Variants in KCND2 observed in about 807,000 individuals in gnomAD.
KCND2 encodes the protein potassium voltage-gated channel subfamily D member 2.
In KCND2, 16 loss-of-function variants were observed where a neutral mutation model predicts 54.4. The ratio of observed to expected loss-of-function variants is 0.29; its 90% CI spans 0.20 to 0.45. KCND2 has a LOEUF of 0.45. Ranked by LOEUF, KCND2 falls within the 20% of genes least tolerant of loss-of-function variation. The probability of loss-of-function intolerance (pLI) is 1.00; values close to 1 mark genes in which losing one functional copy is unlikely to be tolerated. For synonymous variants in KCND2, 317 were observed against 310.7 expected (o/e 1.02, Z -0.21); for missense variants, 486 against 824.2 (o/e 0.59, Z 5.02).
chr7:120,314,332 CA>C (rs761723040), intron 1 of KCND2, among the ~76,000 whole-genome samples: 9,923 of 96,072 alleles, frequency 0.1, 572 homozygotes, highest in African/African-American at 0.23. Context: ...GACTCCATCT[CA>C]AAAAAAAAAA....
At chr7:120,349,047 T>C (rs1003510070) in intron 1 of KCND2, among the ~76,000 whole-genome samples, 14 of 152,280 alleles carry the variant, frequency 9.2e-5, no homozygotes, top group Non-Finnish European at 1.9e-4. Context: ...TAATTTTAGT[T>C]AGCTCACTAC....
chr7:120,715,987 G>A (rs1792597546), intron 1 of KCND2, among the ~76,000 whole-genome samples: 2 of 150,184 alleles, frequency 1.3e-5, no homozygotes, highest in South Asian at 4.2e-4. Context: ...TTTTGTTCAC[G>A]CTCACTCAGA....
chr7:120,493,429 A>C (rs1802811270), intron 1 of KCND2, among the ~76,000 whole-genome samples: 1 of 152,084 alleles, frequency 6.6e-6, no homozygotes, highest in African/African-American at 2.4e-5. Context: ...GAAGAAAGTA[A>C]TGTCTTTACC....
intron 1 of KCND2, among the ~76,000 whole-genome samples, chr7:120,709,459 T>A (rs1381612612): frequency 1.3e-5 from 2 of 152,212 alleles, no homozygotes; most frequent in East Asian, 3.9e-4. Flanking sequence ...TGTTTTTATG[T>A]CACTTCTTAA....
At chr7:120,471,175 T>A (rs1053035092) in intron 1 of KCND2, among the ~76,000 whole-genome samples, 1 of 152,244 alleles carries the variant, frequency 6.6e-6, no homozygotes, top group African/African-American at 2.4e-5. Flanking sequence ...TATGTTTTAA[T>A]ATCTTAGGAA....
At chr7:120,651,637 C>T (rs544326977) in intron 1 of KCND2, among the ~76,000 whole-genome samples, 16 of 152,222 alleles carry the variant, frequency 1.1e-4, no homozygotes, top group African/African-American at 2.4e-4. Context: ...ACCCAGTGTC[C>T]GACAAGCCCC....
intron 1 of KCND2, among the ~76,000 whole-genome samples, chr7:120,435,589 A>G (rs1801854180): frequency 6.6e-6 from 1 of 152,018 alleles, no homozygotes; most frequent in Non-Finnish European, 1.5e-5. Context: ...CAAACGAATA[A>G]CCCTATTACA....
chr7:120,285,712 TCTG>T, intron 1 of KCND2, among the ~76,000 whole-genome samples: 1 of 152,090 alleles, frequency 6.6e-6, no homozygotes, highest in Admixed American at 6.5e-5. Flanking sequence ...TGATCTGTTG[TCTG>T]CTATTACTTT....
intron 1 of KCND2, among the ~76,000 whole-genome samples, chr7:120,276,731 A>G (rs1799181371): frequency 6.6e-6 from 1 of 152,136 alleles, no homozygotes; most frequent in Non-Finnish European, 1.5e-5. Context: ...TAGGTAGTAG[A>G]GAAAAGGAAA....
intron 1 of KCND2, among the ~76,000 whole-genome samples, chr7:120,582,181 C>T (rs1351486492): frequency 6.6e-6 from 1 of 152,054 alleles, no homozygotes; most frequent in Non-Finnish European, 1.5e-5. Context: ...CACTCTGAGC[C>T]CCAGTTCCAC....
chr7:120,586,709 AT>A (rs983456899), intron 1 of KCND2, among the ~76,000 whole-genome samples: 11 of 152,016 alleles, frequency 7.2e-5, no homozygotes, highest in Non-Finnish European at 1.6e-4. Context: ...CTTGCAGAGG[AT>A]TTTTTTCTTC....
At chr7:120,741,776 C>T in intron 3 of KCND2, 147 bp downstream of exon 3, 2 of 712,088 alleles carry the variant, frequency 2.8e-6, no homozygotes. Context: ...TTTTTAATAA[C>T]TTCACCCTGT....
intron 1 of KCND2, among the ~76,000 whole-genome samples, chr7:120,457,359 A>G (rs1035081531): frequency 1.3e-5 from 2 of 152,038 alleles, no homozygotes; most frequent in Admixed American, 6.6e-5. Flanking sequence ...CAGGCTGCAC[A>G]TTTTTTCAAA....
At chr7:120,423,579 G>A (rs1235436114) in intron 1 of KCND2, among the ~76,000 whole-genome samples, 2 of 152,258 alleles carry the variant, frequency 1.3e-5, no homozygotes, top group East Asian at 1.9e-4. Context: ...GCTGTGTATC[G>A]TGTCTCTGAA....
chr7:120,744,172 G>T (rs1005630248), intron 4 of KCND2, among the ~76,000 whole-genome samples: 2 of 152,132 alleles, frequency 1.3e-5, no homozygotes, highest in African/African-American at 4.8e-5. Flanking sequence ...TGAGGCAGGA[G>T]AATTGCTTGA....
intron 1 of KCND2, among the ~76,000 whole-genome samples, chr7:120,623,816 G>A (rs902511416): frequency 2.0e-5 from 3 of 152,162 alleles, no homozygotes; most frequent in Admixed American, 1.3e-4. Context: ...TTACAAAAAT[G>A]TGAATGGCTG....
At chr7:120,407,724 AATAAT>A (rs939212753) in intron 1 of KCND2, among the ~76,000 whole-genome samples, 7 of 150,462 alleles carry the variant, frequency 4.7e-5, no homozygotes, top group Admixed American at 1.3e-4. Context: ...ATAAAAATAT[AATAAT>A]ATAATATAGA....
At chr7:120,598,092 A>C (rs1362035960) in intron 1 of KCND2, among the ~76,000 whole-genome samples, 1 of 152,130 alleles carries the variant, frequency 6.6e-6, no homozygotes, top group Non-Finnish European at 1.5e-5. Context: ...AAAAAAAACT[A>C]AAGAAAAACT....
At chr7:120,685,677 C>T (rs1460295200) in intron 1 of KCND2, among the ~76,000 whole-genome samples, 1 of 152,106 alleles carries the variant, frequency 6.6e-6, no homozygotes, top group Non-Finnish European at 1.5e-5. Flanking sequence ...ACTCCACAGC[C>T]TTACTTGAAT....
Sources: gnomAD v4.1 joint callset for allele counts (sites outside exome capture counted in the v4.1 genomes callset) on GRCh38, gnomAD v4.1.1 for gene constraint, MANE v1.5 for transcripts, NCBI Gene and HGNC (gene_info 2026-07-23, HGNC 2026-07-21) for gene names.